DAB1: variants seen among roughly 807,000 people sequenced by gnomAD.
DAB1 encodes disabled homolog 1.
A neutral mutation model predicts 64.6 loss-of-function variants in DAB1; 15 were observed. The observed-to-expected ratio is 0.23, with a 90% CI of 0.16 to 0.36. The LOEUF (loss-of-function observed/expected upper bound fraction) is 0.36. DAB1 is among the 10% of genes least tolerant of loss of function. The pLI, the probability that DAB1 is intolerant of heterozygous loss-of-function variation, is 1.00. For synonymous variants in DAB1, 235 were observed against 251.9 expected (o/e 0.93, Z 0.64); for missense variants, 596 against 706.7 (o/e 0.84, Z 1.78).
intron 6 of DAB1, among the ~76,000 whole-genome samples, chr1:57,732,825 A>C (rs1647500974): frequency 6.6e-6 from 1 of 152,198 alleles, no homozygotes; most frequent in African/African-American, 2.4e-5. Context: ...CAATAATGAC[A>C]GATCTCTGGA....
intron 4 of DAB1, among the ~76,000 whole-genome samples, chr1:58,235,730 A>C (rs1659996715): frequency 6.6e-6 from 1 of 152,214 alleles, no homozygotes; most frequent in Non-Finnish European, 1.5e-5. Context: ...CATCATCCTC[A>C]GTGAACCAAA....
intron 14 of DAB1, among the ~76,000 whole-genome samples, chr1:57,004,534 G>T (rs1645994293): frequency 6.6e-6 from 1 of 152,196 alleles, no homozygotes; most frequent in Admixed American, 6.5e-5. Flanking sequence ...TAAGAAAAGT[G>T]CCAAGCGAAG....
chr1:58,511,297 G>A (rs141722493), intron 2 of DAB1, among the ~76,000 whole-genome samples: 191 of 152,264 alleles, frequency 1.3e-3, no homozygotes, highest in African/African-American at 4.4e-3. Context: ...TGGAACAGAA[G>A]AGAGAGCCCA....
intron 1 of DAB1, among the ~76,000 whole-genome samples, chr1:57,856,282 T>C (rs1030512108): frequency 2.0e-5 from 3 of 152,148 alleles, no homozygotes; most frequent in African/African-American, 7.2e-5. Flanking sequence ...AGGATGCTTC[T>C]TTTCAGCCAC....
intron 4 of DAB1, among the ~76,000 whole-genome samples, chr1:58,264,461 A>G (rs923528486): frequency 2.0e-5 from 3 of 152,252 alleles, no homozygotes; most frequent in African/African-American, 4.8e-5. Context: ...CCGCTGTAAC[A>G]AAGACATCTA....
At chr1:58,288,037 A>G (rs939234084) in intron 4 of DAB1, among the ~76,000 whole-genome samples, 4 of 146,200 alleles carry the variant, frequency 2.7e-5, no homozygotes, top group Non-Finnish European at 4.5e-5. Context: ...AAAAAAAAAA[A>G]AAAAAAAAGA....
At chr1:57,111,603 C>T (rs577024572) in intron 4 of DAB1, among the ~76,000 whole-genome samples, 5 of 152,274 alleles carry the variant, frequency 3.3e-5, no homozygotes, top group Admixed American at 1.3e-4. Flanking sequence ...ATCAGAGACA[C>T]CATCCCTGTC....
intron 2 of DAB1, among the ~76,000 whole-genome samples, chr1:57,149,051 C>G (rs1023772560): frequency 2.0e-5 from 3 of 152,154 alleles, no homozygotes; most frequent in African/African-American, 7.2e-5. Context: ...CTCCTCCCGT[C>G]TTTATACATT....
Position 58,431,436 on chromosome 1 carries a change from T to G in DAB1, n.257+74624A>C, listed in dbSNP as rs531510689. Among the ~76,000 whole-genome samples the G allele has an allele frequency of 3.3e-4, 50 of 151,804 alleles. 1 individual carries two copies. In the South Asian group the frequency reaches 1.0e-2, roughly 30 times the overall value. On this transcript the variant is annotated intron_variant and non_coding_transcript_variant, in intron 3 of 20. Transcript: ENST00000485760. Reference sequence around the variant, plus strand: ...AGCCGGGCGTGGTGGTGGGCGCCTGTAGTCCCAGCTACTTGGGAGGCTGAG... The same window carrying G: ...AGCCGGGCGTGGTGGTGGGCGCCTGGAGTCCCAGCTACTTGGGAGGCTGAG...
chr1:57,019,757 G>C (rs987763526), intron 11 of DAB1, among the ~76,000 whole-genome samples: 1 of 152,206 alleles, frequency 6.6e-6, no homozygotes, highest in Non-Finnish European at 1.5e-5. Flanking sequence ...AGGAGCATCT[G>C]TTTATGCCGT....
intron 11 of DAB1, 37 bp from the exon 12 acceptor site, chr1:57,015,468 G>A: frequency 1.9e-6 from 3 of 1,553,586 alleles, no homozygotes; most frequent in Non-Finnish European, 2.6e-6. Flanking sequence ...GTGTTTCCCT[G>A]GTGTCCTGGG....
chr1:57,381,400 C>T (rs997932831), intron 1 of DAB1, among the ~76,000 whole-genome samples: 1 of 152,132 alleles, frequency 6.6e-6, no homozygotes, highest in African/African-American at 2.4e-5. Flanking sequence ...CAGTATAAAG[C>T]ATAAGGCTCT....
intron 6 of DAB1, among the ~76,000 whole-genome samples, chr1:57,763,631 T>C (rs1027552282): frequency 3.9e-5 from 6 of 152,070 alleles, no homozygotes; most frequent in Non-Finnish European, 7.4e-5. Flanking sequence ...TGAGCTATGA[T>C]TGAATCACTG....
chr1:57,457,647 G>A (rs778155188), intron 7 of DAB1, among the ~76,000 whole-genome samples: 7 of 152,092 alleles, frequency 4.6e-5, no homozygotes, highest in East Asian at 1.9e-4. Flanking sequence ...AAATGTAACC[G>A]TAAAATGAAA....
At chr1:58,407,690 A>G (rs1435309639) in intron 3 of DAB1, among the ~76,000 whole-genome samples, 1 of 152,174 alleles carries the variant, frequency 6.6e-6, no homozygotes, top group Non-Finnish European at 1.5e-5. Flanking sequence ...TTTGTCCTGC[A>G]ACCATTCTGG....
At chr1:57,298,650 C>A (rs1210515666) in intron 1 of DAB1, among the ~76,000 whole-genome samples, 4 of 151,600 alleles carry the variant, frequency 2.6e-5, no homozygotes, top group Non-Finnish European at 5.9e-5. Flanking sequence ...GAAAAAAAAA[C>A]AGAATTTTAG....
chr1:58,017,313 C>T (rs1646755158), intron 5 of DAB1, among the ~76,000 whole-genome samples: 1 of 152,176 alleles, frequency 6.6e-6, no homozygotes, highest in Non-Finnish European at 1.5e-5. Context: ...TGTTCGAAAT[C>T]AGTCACTCTG....
chr1:57,039,483 A>G (rs1647440892), intron 9 of DAB1, among the ~76,000 whole-genome samples: 1 of 152,186 alleles, frequency 6.6e-6, no homozygotes, highest in South Asian at 2.1e-4. Context: ...CACCTGGAGA[A>G]GAGGCTGAAG....
chr1:57,469,277 G>A (rs1156673383), intron 7 of DAB1, among the ~76,000 whole-genome samples: 1 of 152,144 alleles, frequency 6.6e-6, no homozygotes, highest in African/African-American at 2.4e-5. Flanking sequence ...AAAGCACTTA[G>A]GTAAGCGGTT....
Sources: gnomAD v4.1 joint callset for allele counts (sites outside exome capture counted in the v4.1 genomes callset) on GRCh38, gnomAD v4.1.1 for gene constraint, MANE v1.5 for transcripts, NCBI Gene and HGNC (gene_info 2026-07-23, HGNC 2026-07-21) for gene names.